Variants in DHX35 observed in about 807,000 individuals in gnomAD.
The protein encoded by DHX35 is DEAH-box helicase 35, also known as probable ATP-dependent RNA helicase DHX35.
A neutral mutation model predicts 99.6 loss-of-function variants in DHX35; 84 were observed. That is an observed-to-expected ratio of 0.84 (90% CI 0.71 to 1.01). The LOEUF (loss-of-function observed/expected upper bound fraction) is 1.01, where lower values mean the gene tolerates loss of function less well. DHX35 is among the 50% of genes least tolerant of loss of function. The pLI is 0.00. For missense variants in DHX35, 852 were observed against 888.5 expected, an observed-to-expected ratio of 0.96 and a Z score of 0.52; for synonymous variants, 331 against 316.2, an observed-to-expected ratio of 1.05 and a Z score of -0.50.
chr20:39,027,014 T>C (rs547065872), intron 18 of DHX35, among the ~76,000 whole-genome samples: 2 of 152,294 alleles, frequency 1.3e-5, no homozygotes, highest in East Asian at 3.9e-4. Context: ...AATAAGATTT[T>C]GTAGGGTAGG....
intron 3 of DHX35, 130 bp downstream of exon 3, chr20:38,972,781 A>T (rs2086022522): frequency 1.6e-6 from 1 of 625,418 alleles, no homozygotes; most frequent in Non-Finnish European, 2.8e-6. Context: ...TCAACTAGAT[A>T]TTTTTTATTA....
chr20:38,999,937 G>A (rs1342822629), intron 8 of DHX35, among the ~76,000 whole-genome samples: 11 of 152,176 alleles, frequency 7.2e-5, no homozygotes, highest in Admixed American at 7.2e-4. Flanking sequence ...TGCCATTCTA[G>A]GCTAGATGTG....
chr20:39,016,225 T>C (rs1380964017), intron 14 of DHX35, among the ~76,000 whole-genome samples: 1 of 152,118 alleles, frequency 6.6e-6, no homozygotes, highest in African/African-American at 2.4e-5. Flanking sequence ...CCAGGCTCTT[T>C]TAAGAACCTG....
intron 14 of DHX35, among the ~76,000 whole-genome samples, chr20:39,017,642 T>C (rs895039560): frequency 1.3e-5 from 2 of 152,140 alleles, no homozygotes; most frequent in Admixed American, 1.3e-4. Flanking sequence ...TACTGTGAGA[T>C]CTTGCAGCGT....
chr20:39,002,797 A>G lies in DHX35; in HGVS notation c.781A>G (p.Thr261Ala), dbSNP rs139394275. Residue 261 changes from threonine to alanine, a missense_variant, in exon 10 of 22, where the codon ACT (threonine) becomes GCT (alanine). Thr to Ala is a moderately conservative substitution (Grantham distance 58). Coordinates refer to ENST00000252011, the MANE Select transcript of DHX35 (RefSeq NM_021931.4). ...QSPVPDYIKSTVETVVKIHQT... is the reference protein window; with the variant it reads ...QSPVPDYIKSAVETVVKIHQT... ...TCCTGTTCCAGATTATATCAAATCA[A>G]CTGTCGAAACTGTGGTGAAAATTCA... 4.3e-6 allele frequency: 7 copies of G among 1,614,180 alleles called. No homozygotes were observed. The highest frequency in any genetic ancestry group is 2.2e-5 in the East Asian group (1 of 44,874).
intron 14 of DHX35, among the ~76,000 whole-genome samples, chr20:39,016,944 TTTGTAAATA>T (rs1342123579): frequency 1.3e-5 from 2 of 151,956 alleles, no homozygotes; most frequent in African/African-American, 4.8e-5. Flanking sequence ...AGATATGTGG[TTTGTAAATA>T]TTTCTCCCAT....
chr20:38,993,005 T>C (rs908128484), intron 7 of DHX35, among the ~76,000 whole-genome samples: 6 of 152,206 alleles, frequency 3.9e-5, no homozygotes, highest in Non-Finnish European at 1.5e-5. Context: ...GCTTCAACAA[T>C]TACAACTCAC....
At position 39,010,324 on chromosome 20, in the gene DHX35, CA is replaced by C; in HGVS notation, c.1268del (p.Gln423ArgfsTer12). 1 of 1,614,086 alleles carries C rather than the reference CA, an allele frequency of 6.2e-7. No homozygotes were observed. The highest frequency in any genetic ancestry group is 1.1e-5 in the South Asian group (1 of 91,082). On this transcript the variant is annotated frameshift_variant, in exon 13 of 22. Coordinates refer to ENST00000252011, the MANE Select transcript of DHX35 (RefSeq NM_021931.4). LOFTEE classifies it high-confidence loss of function. Reference sequence around the variant, plus strand: ...GCCTCAGTCTACGGTTCCTGAGATGCAGCGTAGTAATTTGGCACCTGTCATC... The same window carrying C: ...GCCTCAGTCTACGGTTCCTGAGATGCGCGTAGTAATTTGGCACCTGTCATC... ...KLPQSTVPEMQRSNLAPVILQ... is the reference protein window; with the variant it reads ...KLPQSTVPEMXRSNLAPVILQ...
At chr20:39,004,282 G>A (rs956397784) in intron 11 of DHX35, among the ~76,000 whole-genome samples, 1 of 152,082 alleles carries the variant, frequency 6.6e-6, no homozygotes, top group South Asian at 2.1e-4. Context: ...AGCCAGGATG[G>A]TCTCGATCTC....
At chr20:39,028,966 T>C (rs1252901597) in intron 19 of DHX35, among the ~76,000 whole-genome samples, 1 of 152,234 alleles carries the variant, frequency 6.6e-6, no homozygotes, top group Non-Finnish European at 1.5e-5. Context: ...TGCCTCCTGC[T>C]ACATAACCTG....
chr20:38,981,590 G>C (rs2086173032), intron 3 of DHX35, among the ~76,000 whole-genome samples: 1 of 152,074 alleles, frequency 6.6e-6, no homozygotes, highest in East Asian at 1.9e-4. Context: ...TTTCAGGCTT[G>C]TCTTATATTT....
At chr20:39,028,593 A>G (rs1210515688) in intron 19 of DHX35, 94 bp downstream of exon 19, 10 of 1,329,998 alleles carry the variant, frequency 7.5e-6, no homozygotes, top group Non-Finnish European at 1.1e-5. Context: ...GTAATTGCAT[A>G]ATTATTTGTA....
chr20:38,963,258 G>C (rs2085862591), intron 1 of DHX35, among the ~76,000 whole-genome samples: 1 of 152,184 alleles, frequency 6.6e-6, no homozygotes, highest in Admixed American at 6.5e-5. Flanking sequence ...TTAAATTACA[G>C]CTACCAGCTT....
At chr20:38,984,767 A>G (rs2086225065) in intron 4 of DHX35, among the ~76,000 whole-genome samples, 1 of 152,160 alleles carries the variant, frequency 6.6e-6, no homozygotes, top group Non-Finnish European at 1.5e-5. Flanking sequence ...TAATTCTCAC[A>G]GGTGTTTAAC....
intron 12 of DHX35, among the ~76,000 whole-genome samples, chr20:39,008,208 T>G (rs151117656): frequency 7.9e-5 from 12 of 152,384 alleles, no homozygotes; most frequent in African/African-American, 2.6e-4. Flanking sequence ...CATTGTAGCA[T>G]GTACTTCATT....
chr20:39,012,552 C>CA (rs1414238358), intron 13 of DHX35, among the ~76,000 whole-genome samples: 6 of 150,104 alleles, frequency 4.0e-5, no homozygotes, highest in Non-Finnish European at 8.9e-5. Flanking sequence ...TTTTTTGAGA[C>CA]AGAGTCTCTC....
At chr20:39,012,639 C>A (rs910577792) in intron 13 of DHX35, among the ~76,000 whole-genome samples, 1 of 151,962 alleles carries the variant, frequency 6.6e-6, no homozygotes, top group Non-Finnish European at 1.5e-5. Context: ...AAGTGATTCT[C>A]GTATCTCAGC....
At position 38,982,213 on chromosome 20, in the gene DHX35, G is replaced by A. The variant is rs1568722185; in HGVS notation, c.268-1486G>A. Among the ~76,000 whole-genome samples, 3 of 152,086 alleles carry A rather than the reference G, an allele frequency of 2.0e-5. No homozygotes were observed. In the East Asian group the frequency reaches 5.8e-4, roughly 29 times the overall value. ...TATAACTTCTCTGCAACAATGAGAA[G>A]CTTAGTCCTTATCATCTACAGTATA... On this transcript the variant is annotated intron_variant, in intron 3 of 21. Transcript: ENST00000252011.
At chr20:39,012,335 A>G (rs2086716203) in intron 13 of DHX35, among the ~76,000 whole-genome samples, 1 of 152,222 alleles carries the variant, frequency 6.6e-6, no homozygotes, top group South Asian at 2.1e-4. Context: ...ACATACAGTG[A>G]CAGAAATGAC....
Sources: gnomAD v4.1 joint callset for allele counts (sites outside exome capture counted in the v4.1 genomes callset) on GRCh38, gnomAD v4.1.1 for gene constraint, MANE v1.5 for transcripts, NCBI Gene and HGNC (gene_info 2026-07-23, HGNC 2026-07-21) for gene names.